Variants in PDGFD observed in about 807,000 individuals in gnomAD.
PDGFD encodes platelet-derived growth factor D.
A neutral mutation model predicts 44.7 loss-of-function variants in PDGFD; 30 were observed. The ratio of observed to expected loss-of-function variants is 0.67; its 90% CI spans 0.50 to 0.91. The LOEUF (loss-of-function observed/expected upper bound fraction) is 0.91. Among genes scored for constraint, PDGFD ranks in the 40% least tolerant of loss-of-function variants. PDGFD has a pLI of 0.00. For synonymous variants in PDGFD, 173 were observed against 168.4 expected (o/e 1.03, Z -0.21); for missense variants, 445 against 457.8 (o/e 0.97, Z 0.25).
intron 1 of PDGFD, among the ~76,000 whole-genome samples, chr11:104,035,833 T>A (rs1359833370): frequency 6.6e-6 from 1 of 152,212 alleles, no homozygotes; most frequent in Non-Finnish European, 1.5e-5. Context: ...TGGAAGATGC[T>A]CATCCTTCAA....
chr11:104,010,439 T>G (rs2134374253), intron 1 of PDGFD, among the ~76,000 whole-genome samples: 1 of 152,268 alleles, frequency 6.6e-6, no homozygotes, highest in Admixed American at 6.5e-5. Context: ...AAGTATTATA[T>G]TCATAATTAT....
chr11:104,126,663 G>A (rs545107119), intron 1 of PDGFD, among the ~76,000 whole-genome samples: 4 of 152,188 alleles, frequency 2.6e-5, no homozygotes, highest in Non-Finnish European at 5.9e-5. Flanking sequence ...TCTACATAAT[G>A]TGACAGGTGC....
intron 1 of PDGFD, among the ~76,000 whole-genome samples, chr11:104,131,352 G>A (rs1237964771): frequency 6.6e-6 from 1 of 152,124 alleles, no homozygotes; most frequent in Non-Finnish European, 1.5e-5. Context: ...CAATACTCCT[G>A]CTGCCTTGCC....
chr11:104,003,117 T>C (rs541292875), intron 1 of PDGFD, among the ~76,000 whole-genome samples: 1 of 152,362 alleles, frequency 6.6e-6, no homozygotes, highest in East Asian at 1.9e-4. Flanking sequence ...AAAAAGTTGA[T>C]GCATACTGCA....
At chr11:103,919,710 C>T (rs540673) in intron 6 of PDGFD, among the ~76,000 whole-genome samples, 88,287 of 151,514 alleles carry the variant, frequency 0.58, 27,488 homozygotes, top group African/African-American at 0.82. Flanking sequence ...GGTTTCCCCA[C>T]GTTGGCCAGG....
intron 1 of PDGFD, among the ~76,000 whole-genome samples, chr11:104,153,401 A>G (rs1004933442): frequency 2.6e-5 from 4 of 152,212 alleles, no homozygotes; most frequent in African/African-American, 9.6e-5. Context: ...TAGTAAATCT[A>G]TATCTGCAGA....
intron 1 of PDGFD, among the ~76,000 whole-genome samples, chr11:104,136,653 G>A (rs915851249): frequency 6.6e-6 from 1 of 152,138 alleles, no homozygotes; most frequent in African/African-American, 2.4e-5. Context: ...TCAATGAAGT[G>A]TGAATGAGAT....
chr11:104,078,495 C>G (rs1248129136), intron 1 of PDGFD, among the ~76,000 whole-genome samples: 1 of 152,214 alleles, frequency 6.6e-6, no homozygotes, highest in Non-Finnish European at 1.5e-5. Context: ...CACTCTCTCC[C>G]TCTTTCCTTG....
chr11:103,949,305 G>A (rs144127363), intron 3 of PDGFD, among the ~76,000 whole-genome samples: 15 of 152,170 alleles, frequency 9.9e-5, no homozygotes, highest in East Asian at 7.7e-4. Context: ...GCCCGGCCTC[G>A]TTATTCTAAT....
At chr11:103,986,218 A>G (rs1859360950) in intron 3 of PDGFD, among the ~76,000 whole-genome samples, 1 of 152,140 alleles carries the variant, frequency 6.6e-6, no homozygotes, top group Non-Finnish European at 1.5e-5. Context: ...TTCACCTAGG[A>G]GAGGAGACGG....
At chr11:103,951,165 T>A (rs1453514051) in intron 3 of PDGFD, among the ~76,000 whole-genome samples, 2 of 152,206 alleles carry the variant, frequency 1.3e-5, no homozygotes, top group African/African-American at 4.8e-5. Context: ...AAACCAACTT[T>A]TGTGTTACTT....
At chr11:104,106,353 A>G (rs1861471553) in intron 1 of PDGFD, among the ~76,000 whole-genome samples, 1 of 152,168 alleles carries the variant, frequency 6.6e-6, no homozygotes, top group South Asian at 2.1e-4. Flanking sequence ...AGCCAAACTA[A>G]TACCATAAGA....
intron 1 of PDGFD, among the ~76,000 whole-genome samples, chr11:104,016,751 C>G (rs1040560152): frequency 1.3e-5 from 2 of 152,138 alleles, no homozygotes; most frequent in African/African-American, 4.8e-5. Context: ...GGCCACTGTT[C>G]GAATGAAAAC....
intron 3 of PDGFD, among the ~76,000 whole-genome samples, chr11:103,989,691 A>G (rs974633809): frequency 6.6e-6 from 1 of 152,144 alleles, no homozygotes; most frequent in African/African-American, 2.4e-5. Flanking sequence ...CAGGGTTGGG[A>G]AGCAGAAGAG....
At chr11:104,098,886 A>T (rs1861325645) in intron 1 of PDGFD, among the ~76,000 whole-genome samples, 1 of 152,182 alleles carries the variant, frequency 6.6e-6, no homozygotes, top group African/African-American at 2.4e-5. Context: ...AGCCACAAAA[A>T]ATACAAACTC....
intron 1 of PDGFD, among the ~76,000 whole-genome samples, chr11:104,137,099 G>A (rs1862017500): frequency 6.6e-6 from 1 of 152,130 alleles, no homozygotes; most frequent in Non-Finnish European, 1.5e-5. Flanking sequence ...CCAAGCTTGG[G>A]TCTACTGAAC....
In PDGFD at chr11:103,994,613, T is replaced by C. The variant is rs570414821; in HGVS notation, c.510+1452A>G. 2.0e-5 allele frequency among the ~76,000 whole-genome samples: 3 copies of C among 152,280 alleles called. No homozygotes were observed. In the South Asian group the frequency reaches 6.2e-4, roughly 32 times the overall value. On this transcript the variant is annotated intron_variant, in intron 3 of 6. Coordinates refer to ENST00000393158, the MANE Select transcript of PDGFD (RefSeq NM_025208.5). ...AAGTTTTTTTTTCTTTTCTGAAACT[T>C]TAATTCTTAAGATAAAAAATAAAAA...
At chr11:103,978,132 T>C (rs1859211567) in intron 3 of PDGFD, among the ~76,000 whole-genome samples, 1 of 152,070 alleles carries the variant, frequency 6.6e-6, no homozygotes, top group Non-Finnish European at 1.5e-5. Flanking sequence ...TCGTTGTTGG[T>C]TTCTTTTCTG....
intron 1 of PDGFD, among the ~76,000 whole-genome samples, chr11:104,151,748 G>T (rs1317939034): frequency 6.6e-6 from 1 of 152,084 alleles, no homozygotes; most frequent in Non-Finnish European, 1.5e-5. Context: ...AAAATTAAAA[G>T]TTGCTTTTCT....
Sources: allele counts gnomAD v4.1 joint callset (sites outside exome capture counted in the v4.1 genomes callset), GRCh38; gene constraint gnomAD v4.1.1; transcripts MANE v1.5; gene names NCBI Gene and HGNC (gene_info 2026-07-23, HGNC 2026-07-21).